The following SLC24A2 variants were observed in gnomAD, a reference collection of about 807,000 sequenced individuals.
SLC24A2 encodes the protein sodium/potassium/calcium exchanger 2.
Under a neutral mutation model 62.0 loss-of-function variants are expected in SLC24A2, and 36 were observed. That is an observed-to-expected ratio of 0.58 (90% CI 0.44 to 0.77). The LOEUF is 0.77. SLC24A2 is among the 30% of genes least tolerant of loss of function. The pLI is 0.00. For synonymous variants in SLC24A2, 358 were observed against 294.0 expected, an observed-to-expected ratio of 1.22 and a Z score of -2.23; for missense variants, 846 against 817.9, an observed-to-expected ratio of 1.03 and a Z score of -0.42.
At chr9:19,833,852 T>G in the SLC24A2 span, among the ~76,000 whole-genome samples, 2 of 152,198 alleles carry the variant, frequency 1.3e-5, no homozygotes, top group Non-Finnish European at 2.9e-5. Flanking sequence ...ACACCTCACA[T>G]GTCCGGGTAC....
the SLC24A2 span, among the ~76,000 whole-genome samples, chr9:19,975,251 C>T: frequency 4.6e-5 from 7 of 152,142 alleles, no homozygotes; most frequent in Non-Finnish European, 8.8e-5. Flanking sequence ...TAAATAATTT[C>T]ATTTTAACAC....
At chr9:19,552,664 G>C (rs1280672250) in intron 7 of SLC24A2, among the ~76,000 whole-genome samples, 1 of 152,002 alleles carries the variant, frequency 6.6e-6, no homozygotes, top group Non-Finnish European at 1.5e-5. Context: ...CTTTTCTCTC[G>C]ACTTCAAGCT....
the SLC24A2 span, among the ~76,000 whole-genome samples, chr9:19,947,348 G>GGAAGGAAGGAAGGAAGGAAA: frequency 6.7e-6 from 1 of 148,332 alleles, no homozygotes; most frequent in Non-Finnish European, 1.5e-5. Flanking sequence ...TGTGGCTGCC[G>GGAAGGAAGGAAGGAAGGAAA]GAAGGAAGGA....
At chr9:19,757,107 A>G (rs1303943263) in intron 2 of SLC24A2, among the ~76,000 whole-genome samples, 2 of 151,966 alleles carry the variant, frequency 1.3e-5, no homozygotes, top group East Asian at 3.9e-4. Flanking sequence ...TGCCTACCTC[A>G]AAATTCTGGA....
At chr9:19,621,816 C>A (rs2117909986) in intron 3 of SLC24A2, among the ~76,000 whole-genome samples, 1 of 152,244 alleles carries the variant, frequency 6.6e-6, no homozygotes, top group Admixed American at 6.5e-5. Context: ...ATTATATATA[C>A]ATTAAGTATA....
the SLC24A2 span, among the ~76,000 whole-genome samples, chr9:20,288,813 C>A: frequency 6.6e-6 from 1 of 151,706 alleles, no homozygotes; most frequent in East Asian, 1.9e-4. Context: ...CGTTACCTCT[C>A]TGCCTAGCTC....
At chr9:19,873,215 C>T in the SLC24A2 span, among the ~76,000 whole-genome samples, 1 of 151,892 alleles carries the variant, frequency 6.6e-6, no homozygotes, top group Non-Finnish European at 1.5e-5. Context: ...CTCCCTCCCT[C>T]CCTCTCTCCC....
At chr9:19,929,941 T>C in the SLC24A2 span, 2 of 148,294 alleles carry the variant, frequency 1.3e-5, no homozygotes, top group Admixed American at 6.6e-5. Context: ...AAAAAGGTTA[T>C]AGAATAACGA....
the SLC24A2 span, among the ~76,000 whole-genome samples, chr9:20,041,782 G>A: frequency 1.3e-5 from 2 of 152,246 alleles, no homozygotes; most frequent in East Asian, 1.9e-4. Context: ...AGCCAGTCGG[G>A]GGTCTAAGAA....
At chr9:19,865,106 C>T in the SLC24A2 span, among the ~76,000 whole-genome samples, 32 of 151,918 alleles carry the variant, frequency 2.1e-4, no homozygotes, top group Middle Eastern at 0.01. Flanking sequence ...GAATTAAATA[C>T]GTAGGAATCG....
the SLC24A2 span, among the ~76,000 whole-genome samples, chr9:20,016,239 G>T: frequency 2.6e-5 from 4 of 152,088 alleles, no homozygotes; most frequent in African/African-American, 9.7e-5. Flanking sequence ...TATTATTACA[G>T]AACTCAGAGT....
the SLC24A2 span, among the ~76,000 whole-genome samples, chr9:19,930,370 G>C: frequency 0.013 from 1,989 of 152,288 alleles, 47 homozygotes; most frequent in African/African-American, 0.046. Context: ...ATTGAGAATA[G>C]TAACATGGTG....
the SLC24A2 span, among the ~76,000 whole-genome samples, chr9:20,118,448 C>T: frequency 2.0e-5 from 3 of 151,770 alleles, no homozygotes; most frequent in Non-Finnish European, 2.9e-5. Context: ...CTTCCAGGGG[C>T]CCCTGACTGA....
the SLC24A2 span, among the ~76,000 whole-genome samples, chr9:19,971,489 C>G: frequency 6.6e-6 from 1 of 152,150 alleles, no homozygotes; most frequent in Non-Finnish European, 1.5e-5. Context: ...TATGGCCAAG[C>G]CACTTCCAGG....
At chr9:20,200,892 G>A in the SLC24A2 span, among the ~76,000 whole-genome samples, 1 of 152,194 alleles carries the variant, frequency 6.6e-6, no homozygotes. Context: ...GTCCTATTTG[G>A]AGGTCACAAG....
chr9:19,917,038 G>C, the SLC24A2 span, among the ~76,000 whole-genome samples: 2 of 46,846 alleles, frequency 4.3e-5, no homozygotes, highest in African/African-American at 1.7e-4. Flanking sequence ...TAAATATTTT[G>C]ACTTATGGAA....
chr9:19,991,255 G>A, the SLC24A2 span, among the ~76,000 whole-genome samples: 25 of 152,070 alleles, frequency 1.6e-4, no homozygotes, highest in African/African-American at 5.6e-4. Context: ...AGCCACTGGT[G>A]TAAGTCCAAG....
chr9:19,950,421 A>G, the SLC24A2 span, among the ~76,000 whole-genome samples: 1 of 152,138 alleles, frequency 6.6e-6, no homozygotes, highest in Non-Finnish European at 1.5e-5. Flanking sequence ...TGCATAATAG[A>G]GAGACTTTGT....
At chr9:20,206,520 C>T in the SLC24A2 span, among the ~76,000 whole-genome samples, 4 of 152,084 alleles carry the variant, frequency 2.6e-5, no homozygotes, top group East Asian at 1.9e-4. Flanking sequence ...GATGGTGTCT[C>T]GCTCTGTCGC....
Sources: gnomAD v4.1 joint callset for allele counts (sites outside exome capture counted in the v4.1 genomes callset) on GRCh38, gnomAD v4.1.1 for gene constraint, MANE v1.5 for transcripts, NCBI Gene and HGNC (gene_info 2026-07-23, HGNC 2026-07-21) for gene names.